FETUB: variants seen among roughly 807,000 people sequenced by gnomAD.
FETUB encodes fetuin-B.
A neutral mutation model predicts 30.9 loss-of-function variants in FETUB; 28 were observed. That is an observed-to-expected ratio of 0.90 (90% CI 0.67 to 1.24). The LOEUF (loss-of-function observed/expected upper bound fraction) is 1.24, where lower values mean the gene tolerates loss of function less well. Ranked by LOEUF, FETUB falls within the 50% of genes most tolerant of loss-of-function variation. FETUB has a pLI of 0.00. For missense variants in FETUB, 469 were observed against 455.3 expected (o/e 1.03, Z -0.27); for synonymous variants, 186 against 175.9 (o/e 1.06, Z -0.45).
intron 4 of FETUB, 42 bp downstream of exon 4, chr3:186,644,962 A>G (rs1328763618): frequency 1.3e-6 from 2 of 1,505,840 alleles, no homozygotes; most frequent in Non-Finnish European, 9.0e-7. Context: ...AGTGTGTCTC[A>G]TAACTGTTGC....
At chr3:186,649,434 T>C (rs1717809436) in intron 5 of FETUB, among the ~76,000 whole-genome samples, 1 of 152,102 alleles carries the variant, frequency 6.6e-6, no homozygotes, top group South Asian at 2.1e-4. Context: ...ATCACCCAAA[T>C]AGTGTACATT....
chr3:186,646,238 C>G lies in FETUB; in HGVS notation c.595-10C>G, dbSNP rs372437277. On this transcript the variant is annotated splice_polypyrimidine_tract_variant and intron_variant, in intron 4 of 6. Transcript: ENST00000265029. ...TTGATTTTTATGTCTCAACTCTTGTCTCATAACAGTGGGTGGTCGGCCCTT... is the reference window on the plus strand; with the variant it reads ...TTGATTTTTATGTCTCAACTCTTGTGTCATAACAGTGGGTGGTCGGCCCTT... The G allele has an allele frequency of 6.3e-7, 1 of 1,596,490 alleles. No individual in the cohort carries two copies. The highest frequency in any genetic ancestry group is 1.3e-5 in the African/African-American group (1 of 74,406).
intron 4 of FETUB, among the ~76,000 whole-genome samples, chr3:186,645,267 T>C (rs1345660760): frequency 1.3e-5 from 2 of 152,228 alleles, no homozygotes; most frequent in Non-Finnish European, 2.9e-5. Flanking sequence ...ACATAACTTT[T>C]ACTCTATTTT....
At chr3:186,636,048 G>A (rs566162583), upstream of FETUB, 1 of 152,226 alleles carries the variant, frequency 6.6e-6, no homozygotes, top group Admixed American at 6.5e-5. Context: ...CCGGCTGCTG[G>A]CTTATGTATC....
chr3:186,648,534 G>A (rs1320733105), intron 5 of FETUB, among the ~76,000 whole-genome samples: 1 of 152,162 alleles, frequency 6.6e-6, no homozygotes, highest in African/African-American at 2.4e-5. Flanking sequence ...TTTTAAAAAG[G>A]CAGTTGGAAA....
chr3:186,645,910 A>G (rs375593776), intron 4 of FETUB, among the ~76,000 whole-genome samples: 5 of 151,552 alleles, frequency 3.3e-5, no homozygotes, highest in Admixed American at 3.3e-4. Flanking sequence ...TATTTTTAGT[A>G]GAGATGGGGT....
At position 186,652,349 on chromosome 3, in the gene FETUB, C is replaced by G. The variant is rs1354425660; in HGVS notation, c.867C>G (p.Thr289=). 5 of 1,610,738 alleles carry G rather than the reference C, an allele frequency of 3.1e-6. No homozygotes were observed. Among genetic ancestry groups the G allele is most frequent in the Non-Finnish European group, 2.5e-6 (3 of 1,178,724 alleles). ...TGGAAGAATCCCAGCAGAAAAACAC[C>G]CCCCCAACAGACTCCCCCTCCAAAG... is the stretch of plus-strand genomic sequence containing the variant. ...PKVEESQQKN[T]PPTDSPSKAG... is the part of the protein sequence containing the mutation. Residue 289 remains threonine, a synonymous_variant, in exon 7 of 7, where the codon ACC becomes ACG. Coordinates refer to ENST00000265029, the MANE Select transcript of FETUB (RefSeq NM_014375.3).
chr3:186,636,848 C>G (rs1716789597), upstream of FETUB, among the ~76,000 whole-genome samples: 1 of 152,220 alleles, frequency 6.6e-6, no homozygotes, highest in Non-Finnish European at 1.5e-5. Context: ...CCTTGTGCCT[C>G]AGGCATACTC....
In FETUB at chr3:186,644,818, T is replaced by C. The variant is rs948491606; in HGVS notation, c.492T>C (p.Asn164=). Residue 164 remains asparagine (N), a synonymous_variant, in exon 4 of 7, where the codon AAT becomes AAC. Transcript: ENST00000265029. ...GCTCCATACCCACTGACTCTTCCAA[T>C]CACCAAGTGCTGGAGGCTGCCACCG... The part of the protein sequence containing the change: ...CPSSIPTDSS[N]HQVLEAATES... 3 of 1,613,890 alleles carry C rather than the reference T, an allele frequency of 1.9e-6. No homozygotes were observed. The South Asian group carries it at 3.3e-5, about 18-fold the overall frequency.
At chr3:186,640,165 T>C (rs1229450258), upstream of FETUB, among the ~76,000 whole-genome samples, 2 of 152,170 alleles carry the variant, frequency 1.3e-5, no homozygotes, top group African/African-American at 4.8e-5. Flanking sequence ...CAAATCAGAA[T>C]CTAATCATAA....
chr3:186,638,909 A>G (rs1188722036), upstream of FETUB, among the ~76,000 whole-genome samples: 2 of 152,200 alleles, frequency 1.3e-5, no homozygotes, highest in Non-Finnish European at 2.9e-5. Flanking sequence ...TTTTGCTAGT[A>G]TCGTTCCTAT....
rs1318339410 is a variant in FETUB, at chr3:186,652,980, T to C, written c.*349T>C. 12 of 182,744 alleles carry C rather than the reference T, an allele frequency of 6.6e-5. No individual in the cohort carries two copies. The highest frequency in any genetic ancestry group is 1.4e-4 in the Non-Finnish European group (12 of 87,592). The allele number at this position is 182,744 out of a possible 1,614,324, so 11.3% of individuals were successfully genotyped here. On this transcript the variant is annotated 3_prime_UTR_variant, in exon 7 of 7. Coordinates refer to ENST00000265029, the MANE Select transcript of FETUB (RefSeq NM_014375.3). ...GTGCTGAAATCTCAGCATGAAAGCA[T>C]TGCATGAGTAAAGATACTTTCCCTA... is the stretch of plus-strand genomic sequence containing the variant.
At position 186,641,141 on chromosome 3, in the gene FETUB, G is replaced by A. The variant is rs1181450928; in HGVS notation, c.336+1G>A. The A allele has an allele frequency of 3.8e-6, 6 of 1,588,912 alleles. No homozygotes were observed. In the South Asian group the frequency reaches 4.4e-5, roughly 12 times the overall value. ...TGGAATGAGGATATTTTTTGAATCA[G>A]TGAGTGCTTGTTTTTATAAACCATT... On this transcript the variant is annotated splice_donor_variant, in intron 2 of 6. Transcript: ENST00000265029. LOFTEE classifies it high-confidence loss of function.
At position 186,640,798 on chromosome 3, in the gene FETUB, T is replaced by C; in HGVS notation, c.225+113T>C. On this transcript the variant is annotated intron_variant, in intron 1 of 6. Transcript: ENST00000265029. ...CAGGTGTTTTCTGTATTGGAAGCCC[T>C]GCCGAGAACTCTCTGTTCTCCTCTG... The C allele has an allele frequency of 4.6e-6, 4 of 873,782 alleles. No homozygotes were observed. The South Asian group carries it at 5.8e-5, about 13-fold the overall frequency. The allele number at this position is 873,782 out of a possible 1,614,324, so 54.1% of individuals were successfully genotyped here. A position where few individuals can be genotyped will look rare whatever the true frequency, so the allele number is the denominator to read the frequency against.
Position 186,652,806 on chromosome 3 carries a change from G to T in FETUB, c.*175G>T. 1.4e-6 allele frequency: 1 copy of T among 719,914 alleles called. No individual in the cohort carries two copies. The highest frequency in any genetic ancestry group is 2.0e-5 in the South Asian group (1 of 49,688). The allele number at this position is 719,914 out of a possible 1,614,324, so 44.6% of individuals were successfully genotyped here. ...TTGGAAATAATGAGACTGAGCCCTC[G>T]GCTTGGGCTGCACTCTACCCTGTAC... is the stretch of plus-strand genomic sequence containing the variant. On this transcript the variant is annotated 3_prime_UTR_variant, in exon 7 of 7. Transcript: ENST00000265029.
chr3:186,637,931 T>C (rs1716822763), upstream of FETUB, among the ~76,000 whole-genome samples: 1 of 152,220 alleles, frequency 6.6e-6, no homozygotes, highest in South Asian at 2.1e-4. Flanking sequence ...GGCTGTCTGA[T>C]AAGGTACCCA....
intron 3 of FETUB, 78 bp from the exon 4 acceptor site, chr3:186,644,673 C>G (rs1385398693): frequency 1.7e-6 from 2 of 1,157,434 alleles, no homozygotes; most frequent in East Asian, 4.8e-5. Flanking sequence ...CTTCCTCACC[C>G]CATCCTTGCC....
chr3:186,652,877 T>C lies in FETUB; in HGVS notation c.*246T>C. 2 of 410,188 alleles carry C rather than the reference T, an allele frequency of 4.9e-6. No homozygotes were observed. The highest frequency in any genetic ancestry group is 4.3e-6 in the Non-Finnish European group (1 of 231,624). 25.4% of individuals were successfully genotyped at this position (410,188 alleles called of 1,614,324 possible). A position where few individuals can be genotyped will look rare whatever the true frequency, so the allele number is the denominator to read the frequency against. ...GCATCACCTCCTAAACTGAGCAGTC[T>C]CATACCATGGAGAGATGCCTCTCTT... is the stretch of plus-strand genomic sequence containing the variant. On this transcript the variant is annotated 3_prime_UTR_variant, in exon 7 of 7. Coordinates refer to ENST00000265029, the MANE Select transcript of FETUB (RefSeq NM_014375.3).
At chr3:186,646,207 A>T (rs749337242) in intron 4 of FETUB, 41 bp from the exon 5 acceptor site, 1 of 1,458,148 alleles carries the variant, frequency 6.9e-7, no homozygotes, top group Admixed American at 1.7e-5. Flanking sequence ...CCCTAGGCAG[A>T]AATGTTTGAT....
Sources: gnomAD v4.1 joint callset for allele counts (sites outside exome capture counted in the v4.1 genomes callset) on GRCh38, gnomAD v4.1.1 for gene constraint, MANE v1.5 for transcripts, NCBI Gene and HGNC (gene_info 2026-07-23, HGNC 2026-07-21) for gene names.